PPP1R9A: variants seen among roughly 807,000 people sequenced by gnomAD.
PPP1R9A encodes the protein neurabin-1.
PPP1R9A carries 59 observed loss-of-function variants against 141.9 expected under a neutral mutation model. The observed-to-expected ratio is 0.42, with a 90% CI of 0.34 to 0.52. The LOEUF (loss-of-function observed/expected upper bound fraction) is 0.52, where lower values mean the gene tolerates loss of function less well. PPP1R9A is among the 20% of genes least tolerant of loss of function. PPP1R9A has a pLI of 0.10. For synonymous variants in PPP1R9A, 500 were observed against 569.7 expected, an observed-to-expected ratio of 0.88 and a Z score of 1.74; for missense variants, 1,444 against 1,611.9, an observed-to-expected ratio of 0.90 and a Z score of 1.78.
chr7:95,059,256 A>C (rs556560981), intron 2 of PPP1R9A, among the ~76,000 whole-genome samples: 3 of 152,350 alleles, frequency 2.0e-5, no homozygotes, highest in African/African-American at 7.2e-5. Context: ...GTATAGGCTA[A>C]GATTTATTTT....
At chr7:95,154,749 A>G (rs1191378493) in intron 4 of PPP1R9A, 2 of 152,194 alleles carry the variant, frequency 1.3e-5, no homozygotes, top group African/African-American at 4.8e-5. Flanking sequence ...CTTTAATTAT[A>G]ACAATCTCTG....
At chr7:95,267,266 CTAA>C in intron 12 of PPP1R9A, among the ~76,000 whole-genome samples, 1 of 152,070 alleles carries the variant, frequency 6.6e-6, no homozygotes, top group East Asian at 1.9e-4. Context: ...ATTGCCTGAG[CTAA>C]TAATATTATA....
chr7:95,022,315 T>C (rs1806098816), intron 2 of PPP1R9A, among the ~76,000 whole-genome samples: 1 of 152,220 alleles, frequency 6.6e-6, no homozygotes, highest in African/African-American at 2.4e-5. Flanking sequence ...TTTTGCAACT[T>C]GATTTTTTTA....
chr7:95,211,878 T>C (rs1259576545), intron 7 of PPP1R9A, among the ~76,000 whole-genome samples: 1 of 152,112 alleles, frequency 6.6e-6, no homozygotes, highest in African/African-American at 2.4e-5. Context: ...TAGTCCCAAC[T>C]GCATGGGAAG....
intron 2 of PPP1R9A, among the ~76,000 whole-genome samples, chr7:95,065,179 C>T (rs1027222044): frequency 6.6e-6 from 1 of 152,184 alleles, no homozygotes; most frequent in Non-Finnish European, 1.5e-5. Context: ...AATTTTCCCA[C>T]ATCAGCCTCC....
intron 5 of PPP1R9A, among the ~76,000 whole-genome samples, chr7:95,182,573 A>G (rs909880666): frequency 4.6e-5 from 7 of 152,132 alleles, no homozygotes; most frequent in Admixed American, 1.3e-4. Flanking sequence ...TGAGAATTTC[A>G]CTTTTTATTA....
chr7:95,157,266 C>G (rs1433638906), intron 4 of PPP1R9A, among the ~76,000 whole-genome samples: 5 of 152,166 alleles, frequency 3.3e-5, no homozygotes, highest in East Asian at 1.9e-4. Flanking sequence ...TCTCCCCCCC[C>G]AGAGTGCAGG....
At chr7:95,236,936 T>C (rs1310815393) in intron 8 of PPP1R9A, among the ~76,000 whole-genome samples, 1 of 151,616 alleles carries the variant, frequency 6.6e-6, no homozygotes, top group Non-Finnish European at 1.5e-5. Flanking sequence ...AGTGTTTTTT[T>C]TCATTTTCCA....
intron 5 of PPP1R9A, among the ~76,000 whole-genome samples, chr7:95,165,677 TTTAACAAAAACTGAAAA>T (rs1334195812): frequency 6.6e-6 from 1 of 152,104 alleles, no homozygotes; most frequent in Non-Finnish European, 1.5e-5. Context: ...TGGGCTCCAG[TTTAACAAAAACTGAAAA>T]TGTGGGAGTA....
intron 2 of PPP1R9A, among the ~76,000 whole-genome samples, chr7:95,092,271 G>A (rs1354750299): frequency 8.6e-5 from 13 of 151,588 alleles, no homozygotes; most frequent in Admixed American, 8.5e-4. Context: ...GAAAGGAGTG[G>A]AAAGAGAGCC....
At position 95,290,457 on chromosome 7, in the gene PPP1R9A, C is replaced by A; in HGVS notation, c.*154C>A. The A allele has an allele frequency of 1.2e-6, 1 of 827,726 alleles. No homozygotes were observed. The highest frequency in any genetic ancestry group is 1.8e-6 in the Non-Finnish European group (1 of 544,206). 51.3% of individuals were successfully genotyped at this position (827,726 alleles called of 1,614,324 possible). A position where few individuals can be genotyped will look rare whatever the true frequency, so the allele number is the denominator to read the frequency against. On this transcript the variant is annotated 3_prime_UTR_variant, in exon 20 of 20. Transcript: ENST00000433360. ...ACTGTGTGTTGAATAACTGCATTTTCTGCAATAGAATGCACTCTTAATTTT... is the reference window on the plus strand; with the variant it reads ...ACTGTGTGTTGAATAACTGCATTTTATGCAATAGAATGCACTCTTAATTTT...
chr7:95,251,934 T>G (rs768362256), intron 11 of PPP1R9A, 25 bp from the exon 12 acceptor site: 4 of 1,607,282 alleles, frequency 2.5e-6, no homozygotes, highest in Non-Finnish European at 3.4e-6. Context: ...GTTTAGAGTT[T>G]TATAAATGGA....
chr7:94,942,275 A>G (rs1478023625), intron 2 of PPP1R9A, among the ~76,000 whole-genome samples: 6 of 152,076 alleles, frequency 3.9e-5, no homozygotes, highest in Admixed American at 3.9e-4. Flanking sequence ...CTCCTTTTGT[A>G]TTCTGCAGCA....
At chr7:95,157,105 A>G (rs1318903692) in intron 4 of PPP1R9A, among the ~76,000 whole-genome samples, 1 of 152,064 alleles carries the variant, frequency 6.6e-6, no homozygotes, top group Non-Finnish European at 1.5e-5. Context: ...CTGCCCAAGT[A>G]TCTGTCTGCC....
At chr7:95,264,076 A>G (rs997811050) in intron 12 of PPP1R9A, among the ~76,000 whole-genome samples, 1 of 152,090 alleles carries the variant, frequency 6.6e-6, no homozygotes, top group African/African-American at 2.4e-5. Context: ...CTCCAGGTCT[A>G]CTCTCATGGT....
chr7:94,993,985 A>G (rs2151451996), intron 2 of PPP1R9A, among the ~76,000 whole-genome samples: 1 of 152,306 alleles, frequency 6.6e-6, no homozygotes, highest in South Asian at 2.1e-4. Context: ...CTTGCCCATT[A>G]CAAGGTTTAT....
At chr7:94,907,735 C>CCCGCGGCCTCTCCTCCATTACA (rs1790904855) in intron 1 of PPP1R9A, 33 bp downstream of exon 1, 2 of 152,342 alleles carry the variant, frequency 1.3e-5, no homozygotes, top group Non-Finnish European at 2.9e-5. Context: ...CTTCCTCACC[C>CCCGCGGCCTCTCCTCCATTACA]CCGCGGCCTC....
At chr7:94,975,588 A>G (rs993364612) in intron 2 of PPP1R9A, among the ~76,000 whole-genome samples, 1 of 152,054 alleles carries the variant, frequency 6.6e-6, no homozygotes, top group Non-Finnish European at 1.5e-5. Context: ...TTTGGAACTC[A>G]GAACACATTT....
At chr7:95,204,703 CCACA>C (rs899286241) in intron 7 of PPP1R9A, among the ~76,000 whole-genome samples, 4 of 139,648 alleles carry the variant, frequency 2.9e-5, no homozygotes, top group Non-Finnish European at 6.3e-5. Flanking sequence ...CCCACACACA[CCACA>C]CACACACACC....
Sources: allele counts gnomAD v4.1 joint callset (sites outside exome capture counted in the v4.1 genomes callset), GRCh38; gene constraint gnomAD v4.1.1; transcripts MANE v1.5; gene names NCBI Gene and HGNC (gene_info 2026-07-23, HGNC 2026-07-21).